Variants in DHRSX observed in about 807,000 individuals in gnomAD.
DHRSX encodes the protein polyprenol dehydrogenase.
A neutral mutation model predicts 34.0 loss-of-function variants in DHRSX; 31 were observed. The observed-to-expected ratio is 0.91, with a 90% CI of 0.69 to 1.23. The LOEUF is 1.23. Among genes scored for constraint, DHRSX ranks in the 50% most tolerant of loss-of-function variants. DHRSX has a pLI of 0.00. For synonymous variants in DHRSX, 201 were observed against 183.8 expected, an observed-to-expected ratio of 1.09 and a Z score of -0.76; for missense variants, 414 against 428.1, an observed-to-expected ratio of 0.97 and a Z score of 0.29.
At chrX:2,283,048 G>C (rs903692338) in intron 4 of DHRSX, among the ~76,000 whole-genome samples, 4 of 150,256 alleles carry the variant, frequency 2.7e-5, no homozygotes, top group Non-Finnish European at 4.4e-5. Context: ...AGGAGAGAGA[G>C]ACAGAGAGTT....
chrX:2,303,877 G>GTGGATGGA (rs1391288726), intron 3 of DHRSX, among the ~76,000 whole-genome samples: 13 of 56,252 alleles, frequency 2.3e-4, no homozygotes, highest in African/African-American at 7.0e-4. Flanking sequence ...GGGTGGATGG[G>GTGGATGGA]TGGATGGATG....
intron 1 of DHRSX, among the ~76,000 whole-genome samples, chrX:2,479,805 A>G (rs1357733916): frequency 6.6e-6 from 1 of 151,602 alleles, no homozygotes; most frequent in Non-Finnish European, 1.5e-5. Context: ...GCATGCAGCA[A>G]AGGGACTGCC....
Position 2,247,065 on chromosome X carries a change from C to T in DHRSX, c.597-3835G>A, listed in dbSNP as rs189509293. Among the ~76,000 whole-genome samples the T allele has an allele frequency of 7.2e-5, 11 of 152,146 alleles. No individual in the cohort carries two copies. The East Asian group carries it at 2.1e-3, about 30-fold the overall frequency. The stretch of plus-strand genomic sequence containing the variant: ...CTAGGTTCAAGCAATTCTCCTGCCT[C>T]AGCCTCCTGAGTAGCTGGGATTACA... On this transcript the variant is annotated intron_variant, in intron 5 of 6. Coordinates refer to ENST00000334651, the MANE Select transcript of DHRSX (RefSeq NM_145177.3).
chrX:2,349,727 G>C (rs754005848), intron 3 of DHRSX, among the ~76,000 whole-genome samples: 2 of 151,740 alleles, frequency 1.3e-5, no homozygotes, highest in South Asian at 4.2e-4. Flanking sequence ...ACACACAATG[G>C]GATACTTTAC....
At chrX:2,222,717 G>A (rs1326457441) in intron 6 of DHRSX, among the ~76,000 whole-genome samples, 1 of 152,174 alleles carries the variant, frequency 6.6e-6, no homozygotes, top group African/African-American at 2.4e-5. Flanking sequence ...GCACTGGTGA[G>A]AGTTCAGGCA....
intron 4 of DHRSX, among the ~76,000 whole-genome samples, chrX:2,275,540 T>G (rs1417401342): frequency 6.7e-6 from 1 of 149,552 alleles, no homozygotes; most frequent in Non-Finnish European, 1.5e-5. Flanking sequence ...GCAGAGATCA[T>G]GAGGGAAATC....
intron 6 of DHRSX, among the ~76,000 whole-genome samples, chrX:2,236,965 G>A (rs1426389906): frequency 6.6e-6 from 1 of 151,994 alleles, no homozygotes; most frequent in African/African-American, 2.4e-5. Context: ...GAGGCAGGCG[G>A]CTCACTCGAG....
chrX:2,285,296 A>C (rs947151133), intron 4 of DHRSX, among the ~76,000 whole-genome samples: 2 of 152,172 alleles, frequency 1.3e-5, no homozygotes, highest in African/African-American at 4.8e-5. Context: ...AGACAGTCCC[A>C]TCTGGGGGTG....
chrX:2,342,052 C>T (rs2042647389), intron 3 of DHRSX, among the ~76,000 whole-genome samples: 4 of 152,150 alleles, frequency 2.6e-5, no homozygotes, highest in South Asian at 4.1e-4. Flanking sequence ...GTGATCTGTC[C>T]GCCTCGGCCT....
rs1162323678 is a variant in DHRSX at position 2,298,985 on chromosome X, CAAAAAAAAAAAAAAAAAA to C, written c.287-7400_287-7383del. On this transcript the variant is annotated intron_variant, in intron 3 of 6. Transcript: ENST00000334651. ...GGGCAACAAGAGTGAAACTCTGTCTCAAAAAAAAAAAAAAAAAAAAAAAAAAAAATGGGAAAAATGTGG... is the reference window on the plus strand; with the variant it reads ...GGGCAACAAGAGTGAAACTCTGTCTCAAAAAAAAAAATGGGAAAAATGTGG... Among the ~76,000 whole-genome samples the C allele has an allele frequency of 1.2e-4, 11 of 88,536 alleles. No individual in the cohort carries two copies. The East Asian group carries it at 3.3e-3, about 27-fold the overall frequency. The allele number at this position is 88,536 out of a possible 152,430, so 58.1% of individuals were successfully genotyped here.
chrX:2,276,659 G>T (rs1351481107), intron 4 of DHRSX, among the ~76,000 whole-genome samples: 1 of 151,838 alleles, frequency 6.6e-6, no homozygotes, highest in Non-Finnish European at 1.5e-5. Flanking sequence ...CTGAACGGGA[G>T]GAGAAGGGAG....
chrX:2,233,686 G>A (rs376595891), intron 6 of DHRSX, among the ~76,000 whole-genome samples: 46 of 152,150 alleles, frequency 3.0e-4, no homozygotes, highest in African/African-American at 1.0e-3. Context: ...GGCAAAGGAA[G>A]AGAATTTCAG....
At chrX:2,354,349 C>T (rs1253139872) in intron 3 of DHRSX, among the ~76,000 whole-genome samples, 4 of 152,182 alleles carry the variant, frequency 2.6e-5, no homozygotes, top group Non-Finnish European at 4.4e-5. Context: ...GCATGGAACA[C>T]GCCACTGCTG....
intron 1 of DHRSX, among the ~76,000 whole-genome samples, chrX:2,466,859 A>G (rs1569504135): frequency 6.6e-6 from 1 of 152,014 alleles, no homozygotes; most frequent in Non-Finnish European, 1.5e-5. Flanking sequence ...TGAGGCAAGG[A>G]GTTCCAGACT....
intron 3 of DHRSX, among the ~76,000 whole-genome samples, chrX:2,408,320 C>T (rs2043584129): frequency 2.0e-5 from 3 of 152,106 alleles, no homozygotes; most frequent in Middle Eastern, 3.4e-3. Flanking sequence ...GTGATCCACC[C>T]GCCTCAGCCT....
intron 1 of DHRSX, among the ~76,000 whole-genome samples, chrX:2,427,100 A>G (rs1157154246): frequency 6.6e-6 from 1 of 152,250 alleles, no homozygotes; most frequent in African/African-American, 2.4e-5. Context: ...AATGAACTTC[A>G]AAGGAAGAAG....
chrX:2,230,059 G>A (rs1366886953), intron 6 of DHRSX, among the ~76,000 whole-genome samples: 1 of 152,206 alleles, frequency 6.6e-6, no homozygotes, highest in African/African-American at 2.4e-5. Context: ...ATGTCTGTGT[G>A]CATGGGTTTG....
At chrX:2,462,946 G>C (rs909909708) in intron 1 of DHRSX, among the ~76,000 whole-genome samples, 5 of 152,206 alleles carry the variant, frequency 3.3e-5, no homozygotes, top group African/African-American at 1.2e-4. Flanking sequence ...TGGGAGACTT[G>C]GGAGGTGATG....
At chrX:2,320,270 C>T (rs1000584788) in intron 3 of DHRSX, among the ~76,000 whole-genome samples, 10 of 124,688 alleles carry the variant, frequency 8.0e-5, no homozygotes, top group African/African-American at 3.0e-4. Flanking sequence ...AAGAGCTTCA[C>T]ATATTTCCCT....
Sources: allele counts gnomAD v4.1 joint callset (sites outside exome capture counted in the v4.1 genomes callset), GRCh38; gene constraint gnomAD v4.1.1; transcripts MANE v1.5; gene names NCBI Gene and HGNC (gene_info 2026-07-23, HGNC 2026-07-21).